Variants in CD48 observed in about 807,000 individuals in gnomAD.
CD48 encodes the protein CD48 antigen.
Under a neutral mutation model 22.0 loss-of-function variants are expected in CD48, and 20 were observed. The ratio of observed to expected loss-of-function variants is 0.91; its 90% confidence interval spans 0.64 to 1.32. The LOEUF is 1.32. CD48 is among the 40% of genes most tolerant of loss of function. The pLI, the probability that CD48 is intolerant of heterozygous loss-of-function variation, is 0.00. For synonymous variants in CD48, 110 were observed against 110.1 expected, an observed-to-expected ratio of 1.00 and a Z score of 0.01; for missense variants, 307 against 286.5, an observed-to-expected ratio of 1.07 and a Z score of -0.52.
chr1:160,698,367 G>C lies in CD48; in HGVS notation c.83-13178C>G, dbSNP rs563288. ...CATATTTTGACTGAAATATTAAAAGGCATTTTAAATAGATCCAAAAGATTC... is the reference window on the plus strand; with the variant it reads ...CATATTTTGACTGAAATATTAAAAGCCATTTTAAATAGATCCAAAAGATTC... On this transcript the variant is annotated intron_variant, in intron 1 of 3. Transcript: ENST00000368046. Among the ~76,000 whole-genome samples the C allele has an allele frequency of 8.5e-4, 130 of 152,176 alleles. 1 individual carries two copies. Among genetic ancestry groups the C allele is most frequent in the African/African-American group, 3.0e-3 (123 of 41,520 alleles).
At chr1:160,681,036 T>G (rs1571046503) in intron 3 of CD48, 166 bp downstream of exon 3, 1 of 1,480,218 alleles carries the variant, frequency 6.8e-7, no homozygotes, top group South Asian at 1.3e-5. Flanking sequence ...GGCTGGGAGG[T>G]GGTGGTAGAG....
At chr1:160,684,838 A>G in intron 2 of CD48, 49 bp downstream of exon 2, 1 of 1,613,792 alleles carries the variant, frequency 6.2e-7, no homozygotes, top group Non-Finnish European at 8.5e-7. Flanking sequence ...ACAGTGGTCC[A>G]TCTGGGGCCA....
chr1:160,699,906 C>T (rs1662572772), intron 1 of CD48: 1 of 151,750 alleles, frequency 6.6e-6, no homozygotes, highest in African/African-American at 2.4e-5. Flanking sequence ...GTTCCCCGGG[C>T]CCCCTTATTT....
intron 1 of CD48, 87 bp from the exon 2 acceptor site, chr1:160,685,276 G>T: frequency 1.0e-6 from 1 of 984,792 alleles, no homozygotes; most frequent in Non-Finnish European, 1.5e-6. Context: ...GGTGGAACAG[G>T]TGAGAAGGAA....
intron 1 of CD48, among the ~76,000 whole-genome samples, chr1:160,689,159 A>G (rs1422603548): frequency 6.6e-6 from 1 of 152,150 alleles, no homozygotes; most frequent in African/African-American, 2.4e-5. Flanking sequence ...AGCAGCCTAG[A>G]ATTGAGTTTC....
intron 1 of CD48, among the ~76,000 whole-genome samples, chr1:160,693,719 C>G (rs1662309519): frequency 2.1e-5 from 3 of 142,604 alleles, no homozygotes. Context: ...GGGAAACTAC[C>G]AAAAGGGCTA....
intron 3 of CD48, chr1:160,680,964 G>T (rs908591950): frequency 7.0e-7 from 1 of 1,437,168 alleles, no homozygotes; most frequent in African/African-American, 1.4e-5. Flanking sequence ...GAGTATCAGA[G>T]ATCTCTCCCA....
intron 1 of CD48, among the ~76,000 whole-genome samples, chr1:160,690,909 A>G (rs1012722369): frequency 2.0e-5 from 3 of 152,130 alleles, no homozygotes; most frequent in African/African-American, 7.2e-5. Context: ...TTAATCTATG[A>G]CCTTACCCCC....
At chr1:160,689,758 C>T (rs942118294) in intron 1 of CD48, among the ~76,000 whole-genome samples, 5 of 152,128 alleles carry the variant, frequency 3.3e-5, no homozygotes, top group African/African-American at 7.2e-5. Flanking sequence ...TCAGTATTCA[C>T]CTGAAGCTTG....
chr1:160,701,524 C>T (rs994734733), intron 1 of CD48, among the ~76,000 whole-genome samples: 2 of 152,062 alleles, frequency 1.3e-5, no homozygotes, highest in Non-Finnish European at 2.9e-5. Flanking sequence ...ATAACCTAAA[C>T]CAGCCCTGTT....
chr1:160,698,670 G>C lies in CD48; in HGVS notation c.82+13012C>G, dbSNP rs566141916. ...TGTGACTGGAATACGTCAGATTTTT[G>C]TATTACACCCCAAATTTATAATGAG... On this transcript the variant is annotated intron_variant, in intron 1 of 3. Coordinates refer to ENST00000368046, the MANE Select transcript of CD48 (RefSeq NM_001778.4). 1.5e-4 allele frequency among the ~76,000 whole-genome samples: 23 copies of C among 152,172 alleles called. No individual in the cohort carries two copies. The South Asian group carries it at 4.6e-3, about 30-fold the overall frequency.
At chr1:160,710,394 G>GCCCGGGTTATATAA (rs143145026) in intron 1 of CD48, among the ~76,000 whole-genome samples, 10,398 of 152,168 alleles carry the variant, frequency 0.068, 660 homozygotes, top group African/African-American at 0.16. Flanking sequence ...CCAGGTTATA[G>GCCCGGGTTATATAA]CCCGGGTGTT....
At chr1:160,694,256 G>C (rs2102419325) in intron 1 of CD48, among the ~76,000 whole-genome samples, 1 of 152,326 alleles carries the variant, frequency 6.6e-6, no homozygotes, top group Middle Eastern at 3.4e-3. Flanking sequence ...AGGAGGGTTT[G>C]GAAGCACTGA....
At chr1:160,690,079 G>A (rs896601606) in intron 1 of CD48, among the ~76,000 whole-genome samples, 14 of 152,122 alleles carry the variant, frequency 9.2e-5, no homozygotes, top group African/African-American at 1.4e-4. Context: ...TTTAAAGTGC[G>A]ATTGGCCTGT....
intron 1 of CD48, among the ~76,000 whole-genome samples, chr1:160,687,653 G>GCC (rs1662050825): frequency 6.6e-6 from 1 of 152,124 alleles, no homozygotes; most frequent in Admixed American, 6.5e-5. Context: ...ATATAAATGT[G>GCC]CCATGGCAAT....
At chr1:160,708,918 T>C (rs1437541306) in intron 1 of CD48, among the ~76,000 whole-genome samples, 1 of 152,170 alleles carries the variant, frequency 6.6e-6, no homozygotes, top group African/African-American at 2.4e-5. Context: ...GGACACCAAC[T>C]CTGGGAGGCT....
intron 1 of CD48, chr1:160,686,515 A>G (rs371658923): frequency 8.5e-5 from 13 of 152,352 alleles, no homozygotes; most frequent in African/African-American, 3.1e-4. Flanking sequence ...TCTGTCAGGC[A>G]CTATTTGAGA....
chr1:160,686,560 G>A (rs1004483251), intron 1 of CD48: 35 of 152,300 alleles, frequency 2.3e-4, no homozygotes, highest in East Asian at 1.9e-4. Flanking sequence ...AGCAGCTATC[G>A]GGGAATCTGC....
chr1:160,697,202 A>C (rs1286607531), intron 1 of CD48, among the ~76,000 whole-genome samples: 1 of 152,278 alleles, frequency 6.6e-6, no homozygotes, highest in African/African-American at 2.4e-5. Context: ...GAAGCTGATA[A>C]CGTGGGGGAG....
Sources: gnomAD v4.1 joint callset for allele counts (sites outside exome capture counted in the v4.1 genomes callset) on GRCh38, gnomAD v4.1.1 for gene constraint, MANE v1.5 for transcripts, NCBI Gene and HGNC (gene_info 2026-07-23, HGNC 2026-07-21) for gene names.